Variants in TTC21A observed in about 807,000 individuals in gnomAD.
TTC21A encodes tetratricopeptide repeat protein 21A.
In TTC21A, 128 loss-of-function variants were observed where a neutral mutation model predicts 156.4. The ratio of observed to expected loss-of-function variants is 0.82; its 90% confidence interval spans 0.71 to 0.95. TTC21A has a LOEUF of 0.95. TTC21A is among the 40% of genes least tolerant of loss of function. The pLI is 0.00. For synonymous variants in TTC21A, 587 were observed against 617.1 expected (o/e 0.95, Z 0.72); for missense variants, 1,435 against 1,602.3 (o/e 0.90, Z 1.78).
intron 19 of TTC21A, chr3:39,131,660 T>C (rs1575551186): frequency 6.5e-6 from 1 of 152,754 alleles, no homozygotes; most frequent in Admixed American, 6.5e-5. Flanking sequence ...AGATCCTTTC[T>C]GCTCAGGGGA....
intron 9 of TTC21A, among the ~76,000 whole-genome samples, chr3:39,122,145 C>T (rs1235950902): frequency 6.6e-6 from 1 of 152,072 alleles, no homozygotes; most frequent in East Asian, 1.9e-4. Context: ...CCCATCTCTA[C>T]TAAAAACACA....
In TTC21A at chr3:39,118,173, A is replaced by G. The variant is rs756473692; in HGVS notation, c.801+20A>G. 118 of 1,612,364 alleles carry G rather than the reference A, an allele frequency of 7.3e-5. No individual in the cohort carries two copies. Among genetic ancestry groups the G allele is most frequent in the Non-Finnish European group, 9.4e-5 (111 of 1,178,516 alleles). On this transcript the variant is annotated intron_variant, in intron 7 of 28. Transcript: ENST00000683103. ...ACCACAGTAAGTTCTTTGAAGACTCAGAAGGTGATCCTTGAAACAGAATCA... is the reference window on the plus strand; with the variant it reads ...ACCACAGTAAGTTCTTTGAAGACTCGGAAGGTGATCCTTGAAACAGAATCA...
Position 39,110,983 on chromosome 3 carries a change from A to C in TTC21A, c.401A>C (p.Asp134Ala), listed in dbSNP as rs1353847838. Reference protein sequence around the residue: ...GRHDKAKEYIDRMLKISRGFR... With the variant: ...GRHDKAKEYIARMLKISRGFR... The stretch of plus-strand genomic sequence containing the variant: ...CATGACAAGGCCAAAGAGTACATTG[A>C]CCGCATGCTGAAGATTTCTAGAGGC... The change falls in exon 4 of 29, where the codon GAC becomes GCC. Residue 134 changes from aspartate (D) to alanine (A), a missense_variant. Coordinates refer to ENST00000683103, the MANE Select transcript of TTC21A (RefSeq NM_001366900.1). 2 of 1,612,716 alleles carry C rather than the reference A, an allele frequency of 1.2e-6. No homozygotes were observed. The highest frequency in any genetic ancestry group is 1.7e-6 in the Non-Finnish European group (2 of 1,179,158).
intron 12 of TTC21A, among the ~76,000 whole-genome samples, chr3:39,127,140 ACT>A (rs1455097290): frequency 6.6e-6 from 1 of 151,604 alleles, no homozygotes; most frequent in Non-Finnish European, 1.5e-5. Context: ...GGAGAGGGAA[ACT>A]CTTCCATGGG....
Position 39,138,331 on chromosome 3 carries a change from C to T in TTC21A, c.3740C>T (p.Ala1247Val). The change falls in exon 27 of 29, where the codon GCA becomes GTA. Residue 1247 changes from alanine (A) to valine (V), a missense_variant. Transcript: ENST00000683103. ...IMEKEQSYKDAVTNYKLAWKY... is the reference protein window; with the variant it reads ...IMEKEQSYKDVVTNYKLAWKY... ...GAGAAGGAGCAGTCCTACAAGGATGCAGTCACCAACTACAAACTGGCCTGG... is the reference window on the plus strand; with the variant it reads ...GAGAAGGAGCAGTCCTACAAGGATGTAGTCACCAACTACAAACTGGCCTGG... The T allele has an allele frequency of 6.2e-7, 1 of 1,614,176 alleles. No homozygotes were observed. The highest frequency in any genetic ancestry group is 8.5e-7 in the Non-Finnish European group (1 of 1,180,022).
intron 12 of TTC21A, among the ~76,000 whole-genome samples, chr3:39,126,617 C>T (rs921232850): frequency 9.6e-6 from 1 of 103,802 alleles, no homozygotes; most frequent in African/African-American, 3.6e-5. Context: ...TGCTCCTTGC[C>T]TGGTGTACTA....
At chr3:39,124,161 A>T (rs1161406649) in intron 9 of TTC21A, among the ~76,000 whole-genome samples, 2 of 152,218 alleles carry the variant, frequency 1.3e-5, no homozygotes, top group South Asian at 2.1e-4. Context: ...GAACTTATGT[A>T]AATGTTCATC....
At position 39,138,075 on chromosome 3, in the gene TTC21A, G is replaced by A. The variant is rs1575568962; in HGVS notation, c.3676-192G>A. 1.7e-5 allele frequency: 12 copies of A among 717,600 alleles called. No homozygotes were observed. The East Asian group carries it at 3.3e-4, about 19-fold the overall frequency. 44.5% of individuals were successfully genotyped at this position (717,600 alleles called of 1,614,324 possible). A position where few individuals can be genotyped will look rare whatever the true frequency, so the allele number is the denominator to read the frequency against. On this transcript the variant is annotated intron_variant, in intron 26 of 28. Transcript: ENST00000683103. The stretch of plus-strand genomic sequence containing the variant: ...GAAAGGGGTTACGCCAGTGTCTGGG[G>A]TAGCTGAGAGGAGGGCACACAGTTG...
chr3:39,137,023 G>A lies in TTC21A; in HGVS notation c.3220G>A (p.Gly1074Ser), dbSNP rs751339508. The A allele has an allele frequency of 1.2e-6, 2 of 1,613,716 alleles. No individual in the cohort carries two copies. The highest frequency in any genetic ancestry group is 1.7e-6 in the Non-Finnish European group (2 of 1,179,910). ...ICLNPDNEVV[G>S]GEAFENQGAE... Reference sequence around the variant, plus strand: ...TCTGAATCCAGACAACGAGGTTGTGGGCGGAGAGGCTTTTGAGAACCAGGG... The same window carrying A: ...TCTGAATCCAGACAACGAGGTTGTGAGCGGAGAGGCTTTTGAGAACCAGGG... The change falls in exon 24 of 29, where the codon GGC becomes AGC. Residue 1074 changes from glycine to serine, a missense_variant. Transcript: ENST00000683103.
At chr3:39,123,678 G>GA (rs140658766) in intron 9 of TTC21A, among the ~76,000 whole-genome samples, 282 of 147,996 alleles carry the variant, frequency 1.9e-3, no homozygotes, top group African/African-American at 6.0e-3. Context: ...GCTCTACATG[G>GA]AAAAAAAAAA....
intron 9 of TTC21A, among the ~76,000 whole-genome samples, chr3:39,123,150 GTGAA>G (rs2037912267): frequency 6.6e-6 from 1 of 152,154 alleles, no homozygotes; most frequent in Admixed American, 6.5e-5. Context: ...ACATGCTACT[GTGAA>G]AAAGGTACAG....
intron 12 of TTC21A, 46 bp from the exon 13 acceptor site, chr3:39,128,285 G>A: frequency 6.3e-7 from 1 of 1,597,162 alleles, no homozygotes; most frequent in East Asian, 2.2e-5. Flanking sequence ...CAGGTCTTAG[G>A]AGCCCTTGGG....
rs1486294089 is a variant in TTC21A, at chr3:39,119,948, T to C, written c.828T>C (p.Ile276=). The C allele has an allele frequency of 6.2e-7, 1 of 1,609,150 alleles. No individual in the cohort carries two copies. Among genetic ancestry groups the C allele is most frequent in the Non-Finnish European group, 8.5e-7 (1 of 1,176,150 alleles). ...CTACCAATCACGTTAGAAATCTGAT[T>C]AAGGCACTAGAGACAAGGGAACCCG... is the stretch of plus-strand genomic sequence containing the variant. ...TTATNHVRNL[I]KALETREPEN... The change falls in exon 8 of 29, where the codon ATT becomes ATC. Residue 276 remains isoleucine (I), a synonymous_variant. Coordinates refer to ENST00000683103, the MANE Select transcript of TTC21A (RefSeq NM_001366900.1).
intron 5 of TTC21A, chr3:39,112,788 G>A (rs1448667087): frequency 1.0e-5 from 3 of 288,038 alleles, no homozygotes; most frequent in Admixed American, 1.3e-4. Flanking sequence ...CTTCCTGCTT[G>A]ATCTGAGTTT....
intron 5 of TTC21A, among the ~76,000 whole-genome samples, chr3:39,114,010 G>A (rs529175276): frequency 6.6e-6 from 1 of 152,316 alleles, no homozygotes; most frequent in African/African-American, 2.4e-5. Context: ...GGCCCTTAGG[G>A]CACCTGTGTC....
rs762980982 is a variant in TTC21A, at chr3:39,109,107, A to G, written c.50A>G (p.Gln17Arg). Residue 17 changes from glutamine to arginine, a missense_variant, in exon 2 of 29, where the codon CAG becomes CGG. Physicochemically the swap from Gln to Arg is conservative, Grantham distance 43. Coordinates refer to ENST00000683103, the MANE Select transcript of TTC21A (RefSeq NM_001366900.1). ...CAGGCTGGGATCATTTACTATAGCCAGGAAAAGTACTTCCACCATGTGCAG... is the reference window on the plus strand; with the variant it reads ...CAGGCTGGGATCATTTACTATAGCCGGGAAAAGTACTTCCACCATGTGCAG... ...SLMAGIIYYS[Q>R]EKYFHHVQQA... 2.5e-6 allele frequency: 4 copies of G among 1,614,146 alleles called. No individual in the cohort carries two copies. Among genetic ancestry groups the G allele is most frequent in the South Asian group, 2.2e-5 (2 of 91,086 alleles).
In TTC21A at chr3:39,130,459, C is replaced by A; in HGVS notation, c.2319+101C>A. 1 of 1,058,836 alleles carries A rather than the reference C, an allele frequency of 9.4e-7. No individual in the cohort carries two copies. Among genetic ancestry groups the A allele is most frequent in the Non-Finnish European group, 1.4e-6 (1 of 734,178 alleles). 65.6% of individuals were successfully genotyped at this position (1,058,836 alleles called of 1,614,324 possible). A position where few individuals can be genotyped will look rare whatever the true frequency, so the allele number is the denominator to read the frequency against. On this transcript the variant is annotated intron_variant, in intron 17 of 28. Coordinates refer to ENST00000683103, the MANE Select transcript of TTC21A (RefSeq NM_001366900.1). This position sits in a 1 kb window ranked among gnomAD's most constrained non-coding sequence, Gnocchi z 4.5. ...GGAGCTCTGGGTGGGAGGAGAGTGG[C>A]TGACTTTTCACTCAGCTCCTTGCTG... is the stretch of plus-strand genomic sequence containing the variant.
rs1396790429 is a variant in TTC21A, at chr3:39,125,545, C to T, written c.1392+13C>T. On this transcript the variant is annotated intron_variant, in intron 11 of 28. Transcript: ENST00000683103. ...CTGCCCCAAGCAGGTTAGGGGAAGG[C>T]CTGTCTTCATGGTGGGGGTCTGGAG... is the stretch of plus-strand genomic sequence containing the variant. 2 of 1,590,092 alleles carry T rather than the reference C, an allele frequency of 1.3e-6. No individual in the cohort carries two copies. The highest frequency in any genetic ancestry group is 2.2e-5 in the East Asian group (1 of 44,790).
At chr3:39,112,263 G>A (rs943112733) in intron 4 of TTC21A, among the ~76,000 whole-genome samples, 195 bp from the exon 5 acceptor site, 1 of 152,168 alleles carries the variant, frequency 6.6e-6, no homozygotes, top group Non-Finnish European at 1.5e-5. Context: ...TGGGAGGGGC[G>A]CTGTCCAGGG....
Sources: gnomAD v4.1 joint callset for allele counts (sites outside exome capture counted in the v4.1 genomes callset) on GRCh38, gnomAD v4.1.1 for gene constraint, Gnocchi (gnomAD v3.1) non-coding constraint, MANE v1.5 for transcripts, NCBI Gene and HGNC (gene_info 2026-07-23, HGNC 2026-07-21) for gene names.